Variants in HEBP1 observed in about 807,000 individuals in gnomAD.
HEBP1 encodes heme-binding protein 1.
In HEBP1, 13 loss-of-function variants were observed where a neutral mutation model predicts 20.4. The observed-to-expected ratio is 0.64, with a 90% CI of 0.42 to 1.01. HEBP1 has a LOEUF of 1.01. Among genes scored for constraint, HEBP1 ranks in the 50% least tolerant of loss-of-function variants. The probability of loss-of-function intolerance (pLI) is 0.00; values close to 1 mark genes in which losing one functional copy is unlikely to be tolerated. For synonymous variants in HEBP1, 92 were observed against 90.7 expected (o/e 1.01, Z -0.08); for missense variants, 241 against 247.3 (o/e 0.97, Z 0.17).
rs1160598616 is a variant in HEBP1 at position 13,000,211 on chromosome 12, CGGCAGGGCGGCAGGGCGGCAGGGT to C, written c.-121_-98del. On this transcript the variant is annotated 5_prime_UTR_variant, in exon 1 of 4. Coordinates refer to ENST00000014930, the MANE Select transcript of HEBP1 (RefSeq NM_015987.5). ...GACCACCGGCGGCAGGGCGGCAGGG[CGGCAGGGCGGCAGGGCGGCAGGGT>C]GGCAGGGCGGCAAGGCGGCGGGACG... is the stretch of plus-strand genomic sequence containing the variant. 88 of 388,914 alleles carry C rather than the reference CGGCAGGGCGGCAGGGCGGCAGGGT, an allele frequency of 2.3e-4. No homozygotes were observed. Among genetic ancestry groups the C allele is most frequent in the African/African-American group, 1.7e-3 (83 of 47,484 alleles). The allele number at this position is 388,914 out of a possible 1,614,324, so 24.1% of individuals were successfully genotyped here.
intron 1 of HEBP1, among the ~76,000 whole-genome samples, chr12:12,994,759 C>T (rs1864271274): frequency 6.6e-6 from 1 of 152,132 alleles, no homozygotes; most frequent in South Asian, 2.1e-4. Flanking sequence ...GATGAGCAAA[C>T]TGTCCATTGG....
rs1864318396 is a variant in HEBP1, at chr12:12,998,616, C to CAGGTGAA, written c.78+1414_78+1420dup. ...AGAGCTGGGGAAACGGAGATAAGAACAGGTGAAAGGTCTTTGGTTGTCAAA... is the reference window on the plus strand; with the variant it reads ...AGAGCTGGGGAAACGGAGATAAGAACAGGTGAAAGGTGAAAGGTCTTTGGTTGTCAAA... On this transcript the variant is annotated intron_variant, in intron 1 of 3. Coordinates refer to ENST00000014930, the MANE Select transcript of HEBP1 (RefSeq NM_015987.5). The surrounding 1 kb of genome is among the most constrained non-coding windows in gnomAD (Gnocchi z 4.2). Among the ~76,000 whole-genome samples the CAGGTGAA allele has an allele frequency of 1.3e-5, 2 of 152,206 alleles. No homozygotes were observed. The highest frequency in any genetic ancestry group is 4.1e-4 in the South Asian group (2 of 4,834).
chr12:12,987,612 T>TCTCTTTCTCTC (rs1230851526), intron 2 of HEBP1, among the ~76,000 whole-genome samples: 20 of 117,782 alleles, frequency 1.7e-4, no homozygotes, highest in African/African-American at 5.8e-4. Context: ...CTCTCTCTCT[T>TCTCTTTCTCTC]TCTCTCTCTC....
chr12:12,981,318 TG>T (rs1312347973), intron 3 of HEBP1, among the ~76,000 whole-genome samples: 1 of 152,152 alleles, frequency 6.6e-6, no homozygotes, highest in Non-Finnish European at 1.5e-5. Flanking sequence ...TGATGCCTCC[TG>T]GGAGCTGGAA....
In HEBP1 at chr12:12,974,877, T is replaced by G. The variant is rs1863957151; in HGVS notation, c.*431A>C. On this transcript the variant is annotated 3_prime_UTR_variant, in exon 4 of 4. Transcript: ENST00000014930. ...TTACACTTATGATTTGTCTCAGCTGTTTAAGTCAATGCCTTTTATTTTTAG... is the reference window on the plus strand; with the variant it reads ...TTACACTTATGATTTGTCTCAGCTGGTTAAGTCAATGCCTTTTATTTTTAG... The G allele has an allele frequency of 5.3e-6, 1 of 187,002 alleles. No homozygotes were observed. Among genetic ancestry groups the G allele is most frequent in the African/African-American group, 2.4e-5 (1 of 41,646 alleles). The allele number at this position is 187,002 out of a possible 1,614,324, so 11.6% of individuals were successfully genotyped here. A position where few individuals can be genotyped will look rare whatever the true frequency, so the allele number is the denominator to read the frequency against.
In HEBP1 at chr12:12,987,242, C is replaced by T. The variant is rs143605950; in HGVS notation, c.308G>A (p.Arg103Gln). The T allele has an allele frequency of 2.2e-5, 35 of 1,613,990 alleles. No individual in the cohort carries two copies. Among genetic ancestry groups the T allele is most frequent in the African/African-American group, 2.7e-5 (2 of 74,978 alleles). ...GTCGCTTTGAAATTGGTTTGGAATC[C>T]GGAACCAGACTTTTAATTTCTTCTG... ...SLQKKLKVWF[R>Q]IPNQFQSDPP... The change falls in exon 3 of 4, where the codon CGG becomes CAG. Residue 103 changes from arginine to glutamine, a missense_variant. Physicochemically the swap from Arg to Gln is conservative, Grantham distance 43. Transcript: ENST00000014930.
In HEBP1 at chr12:12,984,035, G is replaced by A. The variant is rs756212877; in HGVS notation, c.398+3117C>T. The stretch of plus-strand genomic sequence containing the variant: ...AATAATATCTGTAACAAACTGAAAC[G>A]TATCAAATATGTTTAAATTCATATG... On this transcript the variant is annotated intron_variant, in intron 3 of 3. Coordinates refer to ENST00000014930, the MANE Select transcript of HEBP1 (RefSeq NM_015987.5). 2.2e-5 allele frequency: 5 copies of A among 229,994 alleles called. 1 individual carries two copies. The highest frequency in any genetic ancestry group is 4.4e-5 in the Non-Finnish European group (5 of 112,450). The allele number at this position is 229,994 out of a possible 1,614,324, so 14.2% of individuals were successfully genotyped here. A position where few individuals can be genotyped will look rare whatever the true frequency, so the allele number is the denominator to read the frequency against.
At chr12:12,995,860 G>A (rs1298341532) in intron 1 of HEBP1, among the ~76,000 whole-genome samples, 1 of 152,154 alleles carries the variant, frequency 6.6e-6, no homozygotes, top group Non-Finnish European at 1.5e-5. Flanking sequence ...TTCCTAGATG[G>A]AGATTTTGGC....
intron 3 of HEBP1, among the ~76,000 whole-genome samples, chr12:12,978,113 T>A (rs2136536408): frequency 6.6e-6 from 1 of 150,874 alleles, no homozygotes; most frequent in South Asian, 2.1e-4. Context: ...GAGAAGTGGA[T>A]CCACTGCAGC....
intron 3 of HEBP1, chr12:12,983,808 C>T: frequency 4.4e-6 from 2 of 455,466 alleles, no homozygotes; most frequent in Non-Finnish European, 8.8e-6. Flanking sequence ...TACCCCTTCC[C>T]ACCATAAGAA....
intron 3 of HEBP1, among the ~76,000 whole-genome samples, chr12:12,980,963 A>G (rs1592400310): frequency 6.6e-6 from 1 of 152,240 alleles, no homozygotes; most frequent in African/African-American, 2.4e-5. Context: ...TTCTGAGCAA[A>G]GACAGGCGAT....
chr12:12,981,180 T>C (rs775088816), intron 3 of HEBP1, among the ~76,000 whole-genome samples: 13 of 152,022 alleles, frequency 8.6e-5, no homozygotes, highest in Non-Finnish European at 8.8e-5. Flanking sequence ...CAGAATGACA[T>C]TGGAACAGGG....
At chr12:12,982,964 T>C (rs1178087188) in intron 3 of HEBP1, among the ~76,000 whole-genome samples, 1 of 152,166 alleles carries the variant, frequency 6.6e-6, no homozygotes, top group Non-Finnish European at 1.5e-5. Context: ...AAAAGCTAGG[T>C]ACTCATGCCC....
chr12:12,997,623 GC>G (rs1864307367), intron 1 of HEBP1, among the ~76,000 whole-genome samples: 1 of 152,124 alleles, frequency 6.6e-6, no homozygotes, highest in African/African-American at 2.4e-5. Context: ...GTAGCTGGGC[GC>G]CGGCTGACAT....
At chr12:12,999,226 T>C (rs1022446464) in intron 1 of HEBP1, among the ~76,000 whole-genome samples, 1 of 152,268 alleles carries the variant, frequency 6.6e-6, no homozygotes, top group African/African-American at 2.4e-5. Context: ...GAACCCTGTA[T>C]CTACTACGTT....
At chr12:12,976,231 T>A (rs975798750) in intron 3 of HEBP1, among the ~76,000 whole-genome samples, 4 of 152,222 alleles carry the variant, frequency 2.6e-5, no homozygotes, top group African/African-American at 9.6e-5. Flanking sequence ...TCATAAATCC[T>A]TTCTTCTGCT....
rs56110606 is a variant in HEBP1 at position 12,976,077 on chromosome 12, C to CAAA, written c.399-601_399-599dup. 8.1e-3 allele frequency among the ~76,000 whole-genome samples: 694 copies of CAAA among 85,742 alleles called. 17 individuals carry two copies. The highest frequency in any genetic ancestry group is 0.033 in the African/African-American group (608 of 18,374). 56.3% of individuals were successfully genotyped at this position (85,742 alleles called of 152,430 possible). The stretch of plus-strand genomic sequence containing the variant: ...GCCTGGGCAACACAAGACCCTGTGT[C>CAAA]AAAAAAAAAAAAAAAAAAAAAACAA... On this transcript the variant is annotated intron_variant, in intron 3 of 3. Coordinates refer to ENST00000014930, the MANE Select transcript of HEBP1 (RefSeq NM_015987.5).
chr12:12,989,327 C>T lies in HEBP1; in HGVS notation c.167G>A (p.Arg56Gln), dbSNP rs757659059. Residue 56 changes from arginine (R) to glutamine (Q), a missense_variant, in exon 2 of 4, where the codon CGG (arginine) becomes CAG (glutamine). By Grantham distance (43) the Arg-to-Gln change is conservative. Transcript: ENST00000014930. Reference protein sequence around the residue: ...VTDKPVDEALREAMPKVAKYA... With the variant: ...VTDKPVDEALQEAMPKVAKYA... The stretch of plus-strand genomic sequence containing the variant: ...CTTTGCGACCTTGGGCATTGCTTCC[C>T]GTAGAGCCTCATCCACAGGCTTATC... 12 of 1,614,196 alleles carry T rather than the reference C, an allele frequency of 7.4e-6. No individual in the cohort carries two copies. The highest frequency in any genetic ancestry group is 1.7e-4 in the Middle Eastern group (1 of 6,058).
At chr12:12,985,365 A>G (rs996105823) in intron 3 of HEBP1, among the ~76,000 whole-genome samples, 1 of 152,218 alleles carries the variant, frequency 6.6e-6, no homozygotes. Context: ...GAAGATACAC[A>G]TGACACAGAA....
Sources: allele counts gnomAD v4.1 joint callset (sites outside exome capture counted in the v4.1 genomes callset), GRCh38; gene constraint gnomAD v4.1.1; non-coding constraint Gnocchi (gnomAD v3.1); transcripts MANE v1.5; gene names NCBI Gene and HGNC (gene_info 2026-07-23, HGNC 2026-07-21).